ZNF566: variants seen among roughly 807,000 people sequenced by gnomAD.
The protein encoded by ZNF566 is zinc finger protein 566.
A neutral mutation model predicts 32.8 loss-of-function variants in ZNF566; 27 were observed. The observed-to-expected ratio is 0.82, with a 90% CI of 0.61 to 1.14. ZNF566 has a LOEUF of 1.14. Among genes scored for constraint, ZNF566 ranks in the 50% most tolerant of loss-of-function variants. The probability of loss-of-function intolerance (pLI) is 0.00; values close to 1 mark genes in which losing one functional copy is unlikely to be tolerated. For missense variants in ZNF566, 402 were observed against 490.4 expected, an observed-to-expected ratio of 0.82 and a Z score of 1.70; for synonymous variants, 154 against 159.5, an observed-to-expected ratio of 0.97 and a Z score of 0.26.
intron 2 of ZNF566, among the ~76,000 whole-genome samples, chr19:36,474,928 G>A (rs947094322): frequency 2.0e-5 from 3 of 152,054 alleles, no homozygotes; most frequent in African/African-American, 7.2e-5. Flanking sequence ...TAAAGACCTC[G>A]CCAACATTGG....
chr19:36,460,660 G>A (rs1159076454), intron 4 of ZNF566, among the ~76,000 whole-genome samples: 1 of 152,084 alleles, frequency 6.6e-6, no homozygotes, highest in African/African-American at 2.4e-5. Context: ...AATAATGGCT[G>A]AAAACTTACA....
At chr19:36,454,160 A>G (rs1242543165) in intron 4 of ZNF566, among the ~76,000 whole-genome samples, 1 of 152,134 alleles carries the variant, frequency 6.6e-6, no homozygotes, top group Non-Finnish European at 1.5e-5. Context: ...CAGCCTCCCA[A>G]AGTGCTGGGA....
chr19:36,462,833 T>C (rs1284619348), intron 4 of ZNF566, among the ~76,000 whole-genome samples: 1 of 151,248 alleles, frequency 6.6e-6, no homozygotes, highest in African/African-American at 2.4e-5. Flanking sequence ...GGGGGGTGCC[T>C]GTAATCCAAG....
intron 1 of ZNF566, among the ~76,000 whole-genome samples, chr19:36,479,964 T>C (rs1005138854): frequency 6.6e-6 from 1 of 152,288 alleles, no homozygotes; most frequent in African/African-American, 2.4e-5. Flanking sequence ...CCCAAAGTGC[T>C]GGGATTACAG....
chr19:36,451,817 C>T (rs2033165388), intron 4 of ZNF566, among the ~76,000 whole-genome samples: 1 of 152,210 alleles, frequency 6.6e-6, no homozygotes, highest in South Asian at 2.1e-4. Flanking sequence ...ACCAGCCTGA[C>T]CAACATGGTG....
intron 4 of ZNF566, among the ~76,000 whole-genome samples, chr19:36,453,594 T>C (rs2145640802): frequency 6.6e-6 from 1 of 151,254 alleles, no homozygotes; most frequent in African/African-American, 2.4e-5. Flanking sequence ...AGATGTACAT[T>C]GTAACATCAA....
intron 1 of ZNF566, among the ~76,000 whole-genome samples, chr19:36,487,710 G>A (rs2034202011): frequency 6.6e-6 from 1 of 151,900 alleles, no homozygotes; most frequent in Non-Finnish European, 1.5e-5. Flanking sequence ...GACTAGCTTT[G>A]CCAACATGGG....
intron 4 of ZNF566, among the ~76,000 whole-genome samples, chr19:36,467,482 T>C (rs1600158020): frequency 7.9e-6 from 1 of 126,196 alleles, no homozygotes; most frequent in Non-Finnish European, 1.7e-5. Flanking sequence ...GACTTGAAAA[T>C]GTGTGCTAAA....
At chr19:36,464,655 G>C (rs774057851) in intron 4 of ZNF566, among the ~76,000 whole-genome samples, 4 of 152,002 alleles carry the variant, frequency 2.6e-5, no homozygotes, top group Non-Finnish European at 5.9e-5. Flanking sequence ...GATGGCATGC[G>C]CCTGCAGTCC....
Position 36,447,754 on chromosome 19 carries a change from TCCC to T in ZNF566, c.*1220_*1222del, listed in dbSNP as rs1326154618. 1.3e-5 allele frequency: 2 copies of T among 152,024 alleles called. No homozygotes were observed. The highest frequency in any genetic ancestry group is 2.9e-5 in the Non-Finnish European group (2 of 67,988). 9.4% of individuals were successfully genotyped at this position (152,024 alleles called of 1,614,324 possible). ...TTCACACACATTATTCACAGTACTT[TCCC>T]CCCCAACACCTAGGATTATTTCATG... On this transcript the variant is annotated 3_prime_UTR_variant, in exon 5 of 5. Coordinates refer to ENST00000452939, the MANE Select transcript of ZNF566 (RefSeq NM_001145344.1).
intron 4 of ZNF566, among the ~76,000 whole-genome samples, chr19:36,450,999 T>C (rs989231010): frequency 5.3e-5 from 8 of 152,246 alleles, no homozygotes; most frequent in African/African-American, 1.4e-4. Context: ...AAATTTCAAA[T>C]AATTTAAGTA....
At chr19:36,485,321 A>G (rs1266369756) in intron 1 of ZNF566, among the ~76,000 whole-genome samples, 1 of 150,374 alleles carries the variant, frequency 6.7e-6, no homozygotes, top group Non-Finnish European at 1.5e-5. Context: ...GTGCACCTGT[A>G]GTCCCAGCTA....
At chr19:36,467,487 G>A (rs2033646626) in intron 4 of ZNF566, among the ~76,000 whole-genome samples, 1 of 147,824 alleles carries the variant, frequency 6.8e-6, no homozygotes, top group African/African-American at 2.5e-5. Context: ...GAAAATGTGT[G>A]CTAAAACTCA....
At chr19:36,484,951 G>A (rs2034123862) in intron 1 of ZNF566, among the ~76,000 whole-genome samples, 1 of 152,092 alleles carries the variant, frequency 6.6e-6, no homozygotes. Context: ...GGGAAAAACA[G>A]TGATTTTACA....
At chr19:36,452,409 C>T (rs1357991396) in intron 4 of ZNF566, among the ~76,000 whole-genome samples, 1 of 151,278 alleles carries the variant, frequency 6.6e-6, no homozygotes, top group Non-Finnish European at 1.5e-5. Flanking sequence ...AGCTGAGAGG[C>T]ATAACCAAAT....
In ZNF566 at chr19:36,477,526, G is replaced by GTTTTTTTTTTTT. The variant is rs767741591; in HGVS notation, c.-59-911_-59-910insAAAAAAAAAAAA. The stretch of plus-strand genomic sequence containing the variant: ...TGGGTCAAACCAGTTTTCTGTTTCT[G>GTTTTTTTTTTTT]TTTTTTTTTTGTTTGTTTGTTTGTT... On this transcript the variant is annotated intron_variant, in intron 1 of 4. Transcript: ENST00000452939. Among the ~76,000 whole-genome samples the GTTTTTTTTTTTT allele has an allele frequency of 2.4e-3, 254 of 106,984 alleles. 62 individuals are homozygous for GTTTTTTTTTTTT. Among genetic ancestry groups the GTTTTTTTTTTTT allele is most frequent in the Non-Finnish European group, 3.2e-3 (163 of 50,990 alleles). 70.2% of individuals were successfully genotyped at this position (106,984 alleles called of 152,430 possible). A position where few individuals can be genotyped will look rare whatever the true frequency, so the allele number is the denominator to read the frequency against.
intron 1 of ZNF566, among the ~76,000 whole-genome samples, chr19:36,486,426 C>A (rs1015969155): frequency 3.3e-5 from 5 of 152,104 alleles, no homozygotes; most frequent in Middle Eastern, 3.4e-3. Flanking sequence ...AATCCCAGCA[C>A]TTTGGGAGGA....
intron 4 of ZNF566, among the ~76,000 whole-genome samples, chr19:36,469,230 G>A (rs2033701242): frequency 6.6e-6 from 1 of 151,836 alleles, no homozygotes; most frequent in Non-Finnish European, 1.5e-5. Flanking sequence ...ATGACATGAA[G>A]TCCTGGATTT....
chr19:36,468,408 T>C (rs2385796), intron 4 of ZNF566, among the ~76,000 whole-genome samples: 82,258 of 150,776 alleles, frequency 0.55, 23,020 homozygotes, highest in African/African-American at 0.61. Context: ...GAGTTAGAGA[T>C]CAGCCTGGTC....
Sources: allele counts gnomAD v4.1 joint callset (sites outside exome capture counted in the v4.1 genomes callset), GRCh38; gene constraint gnomAD v4.1.1; transcripts MANE v1.5; gene names NCBI Gene and HGNC (gene_info 2026-07-23, HGNC 2026-07-21).